CSF2RA: variants seen among roughly 807,000 people sequenced by gnomAD.
CSF2RA encodes the protein granulocyte-macrophage colony-stimulating factor receptor subunit alpha.
Under a neutral mutation model 51.6 loss-of-function variants are expected in CSF2RA, and 42 were observed. The observed-to-expected ratio is 0.81, with a 90% CI of 0.64 to 1.05. The LOEUF (loss-of-function observed/expected upper bound fraction) is 1.05. Ranked by LOEUF, CSF2RA falls within the 50% of genes least tolerant of loss-of-function variation. CSF2RA has a pLI of 0.00. For missense variants in CSF2RA, 530 were observed against 501.1 expected, an observed-to-expected ratio of 1.06 and a Z score of -0.55; for synonymous variants, 222 against 193.0, an observed-to-expected ratio of 1.15 and a Z score of -1.24.
downstream of CSF2RA, among the ~76,000 whole-genome samples, chrX:1,311,439 TTG>T (rs111858191): frequency 0.12 from 14,554 of 118,182 alleles, 860 homozygotes; most frequent in South Asian, 0.28. Flanking sequence ...ATAAACCTGT[TTG>T]TTTTTTTTTT....
At chrX:1,285,582 C>G (rs2090536107) in intron 3 of CSF2RA, 196 bp from the exon 4 acceptor site, 1 of 680,296 alleles carries the variant, frequency 1.5e-6, no homozygotes, top group Non-Finnish European at 2.5e-6. Context: ...GTCATCCCAG[C>G]TACTCGGGAG....
chrX:1,288,982 G>A, intron 6 of CSF2RA, 94 bp downstream of exon 6: 1 of 1,552,022 alleles, frequency 6.4e-7, no homozygotes, highest in Admixed American at 1.7e-5. Context: ...CTTTTTTTAA[G>A]ACATGGTCTT....
At chrX:1,284,800 G>A (rs2090452782) in intron 3 of CSF2RA, among the ~76,000 whole-genome samples, 1 of 151,676 alleles carries the variant, frequency 6.6e-6, no homozygotes, top group African/African-American at 2.4e-5. Context: ...GAGTAGCTGG[G>A]ATTACAGGTA....
chrX:1,294,542 G>C (rs1303832070), intron 8 of CSF2RA, 81 bp downstream of exon 8: 15 of 1,584,832 alleles, frequency 9.5e-6, no homozygotes, highest in Admixed American at 1.7e-5. Flanking sequence ...GAATCCCGGG[G>C]AAGTGGCCTG....
chrX:1,278,205 G>A (rs1455394895), intron 2 of CSF2RA, among the ~76,000 whole-genome samples: 21 of 147,338 alleles, frequency 1.4e-4, no homozygotes, highest in African/African-American at 2.0e-4. Flanking sequence ...ATGGTGGTGC[G>A]TGCCTGTAGT....
At chrX:1,270,190 T>C (rs2088190737) in intron 1 of CSF2RA, among the ~76,000 whole-genome samples, 1 of 152,046 alleles carries the variant, frequency 6.6e-6, no homozygotes, top group Non-Finnish European at 1.5e-5. Flanking sequence ...TTCATCTTTG[T>C]CATGACTATC....
chrX:1,295,837 T>C (rs55710147), intron 9 of CSF2RA, among the ~76,000 whole-genome samples: 42,093 of 101,090 alleles, frequency 0.42, 5,196 homozygotes, highest in Non-Finnish European at 0.45. Context: ...CCTAGCTTAA[T>C]CCTACAGTCC....
chrX:1,299,493 C>T (rs1264795296), intron 9 of CSF2RA, among the ~76,000 whole-genome samples: 2 of 152,058 alleles, frequency 1.3e-5, no homozygotes, highest in Non-Finnish European at 2.9e-5. Context: ...GGTGCGATCT[C>T]GGCTCACTGC....
the CSF2RA span, among the ~76,000 whole-genome samples, chrX:1,323,753 G>A: frequency 5.7e-4 from 86 of 152,076 alleles, no homozygotes; most frequent in Non-Finnish European, 1.0e-3. Context: ...AGTGGCTCAC[G>A]CCTGTAATCC....
intron 1 of CSF2RA, among the ~76,000 whole-genome samples, chrX:1,270,589 T>G (rs1308950340): frequency 1.3e-5 from 2 of 151,958 alleles, no homozygotes; most frequent in Non-Finnish European, 2.9e-5. Context: ...TGAAAGCTTT[T>G]GTTCTGAAGA....
At chrX:1,300,733 G>T (rs1389265238) in intron 10 of CSF2RA, 107 bp downstream of exon 10, 25 of 1,410,172 alleles carry the variant, frequency 1.8e-5, no homozygotes, top group Non-Finnish European at 2.4e-5. Context: ...AGTTGAGCAC[G>T]TCGCTGGGAG....
At chrX:1,302,228 T>G (rs1270527748) in intron 10 of CSF2RA, among the ~76,000 whole-genome samples, 1 of 152,150 alleles carries the variant, frequency 6.6e-6, no homozygotes, top group African/African-American at 2.4e-5. Context: ...GGAAGCTCTC[T>G]TCAAAGCCAG....
chrX:1,313,539 G>A (rs1482458547), downstream of CSF2RA, among the ~76,000 whole-genome samples: 2 of 113,952 alleles, frequency 1.8e-5, no homozygotes, highest in Admixed American at 9.4e-5. Context: ...GCAAAATCTC[G>A]TCTCTACTAA....
At chrX:1,284,853 G>C (rs1315030121) in intron 3 of CSF2RA, among the ~76,000 whole-genome samples, 5 of 151,868 alleles carry the variant, frequency 3.3e-5, no homozygotes, top group African/African-American at 1.2e-4. Context: ...TTTTAGTAGA[G>C]ACAGGGTTTC....
In CSF2RA at chrX:1,291,588, G is replaced by A. The variant is rs182813230; in HGVS notation, c.646+1079G>A. 5.3e-5 allele frequency among the ~76,000 whole-genome samples: 8 copies of A among 152,002 alleles called. No homozygotes were observed. The East Asian group carries it at 9.7e-4, about 18-fold the overall frequency. On this transcript the variant is annotated intron_variant, in intron 7 of 12. Coordinates refer to ENST00000381529, the MANE Select transcript of CSF2RA (RefSeq NM_172245.4). The stretch of plus-strand genomic sequence containing the variant: ...CGTGGACTCCTTCATCCCGTTGGAC[G>A]TTCCCAGCCTCTTCAGGCTTAGGAC...
intron 9 of CSF2RA, among the ~76,000 whole-genome samples, chrX:1,296,119 A>G (rs1266381206): frequency 1.3e-4 from 19 of 147,568 alleles, no homozygotes; most frequent in South Asian, 4.3e-4. Flanking sequence ...CACCTAGCAT[A>G]AACCTACAGT....
intron 9 of CSF2RA, 162 bp downstream of exon 9, chrX:1,295,618 T>C: frequency 1.3e-6 from 1 of 749,398 alleles, no homozygotes; most frequent in Non-Finnish European, 2.4e-6. Context: ...CCACACCTAG[T>C]GTAACTCTAC....
intron 1 of CSF2RA, among the ~76,000 whole-genome samples, chrX:1,273,647 C>G (rs762625638): frequency 6.3e-4 from 94 of 149,504 alleles, no homozygotes; most frequent in Non-Finnish European, 1.0e-3. Flanking sequence ...GGGGCATAAT[C>G]TTGGCTCACT....
intron 2 of CSF2RA, among the ~76,000 whole-genome samples, chrX:1,280,126 G>A (rs1458655383): frequency 6.6e-6 from 1 of 152,064 alleles, no homozygotes; most frequent in African/African-American, 2.4e-5. Flanking sequence ...GTTTGGAGCA[G>A]GAACCTCAGG....
Sources: allele counts gnomAD v4.1 joint callset (sites outside exome capture counted in the v4.1 genomes callset), GRCh38; gene constraint gnomAD v4.1.1; transcripts MANE v1.5; gene names NCBI Gene and HGNC (gene_info 2026-07-23, HGNC 2026-07-21).